GPT2: variants seen among roughly 807,000 people sequenced by gnomAD.
GPT2 encodes glutamic--pyruvic transaminase 2.
A neutral mutation model predicts 56.9 loss-of-function variants in GPT2; 30 were observed. That is an observed-to-expected ratio of 0.53 (90% CI 0.39 to 0.72). The LOEUF is 0.72. GPT2 is among the 30% of genes least tolerant of loss of function. The probability of loss-of-function intolerance (pLI) is 0.00; values close to 1 mark genes in which losing one functional copy is unlikely to be tolerated. For missense variants in GPT2, 542 were observed against 703.4 expected, an observed-to-expected ratio of 0.77 and a Z score of 2.60; for synonymous variants, 271 against 283.1, an observed-to-expected ratio of 0.96 and a Z score of 0.43.
chr16:46,901,640 G>A (rs554557718), intron 4 of GPT2, among the ~76,000 whole-genome samples: 1 of 152,218 alleles, frequency 6.6e-6, no homozygotes, highest in East Asian at 1.9e-4. Flanking sequence ...GGAGCTGAGG[G>A]TGGGGACAGA....
intron 9 of GPT2, 72 bp downstream of exon 9, chr16:46,922,488 C>T: frequency 6.9e-7 from 1 of 1,452,784 alleles, no homozygotes; most frequent in Non-Finnish European, 9.2e-7. Flanking sequence ...CAGTGGCCAG[C>T]CTGTCTCCAG....
chr16:46,884,671 T>G (rs751609741), intron 1 of GPT2, 23 bp from the exon 2 acceptor site: 19 of 1,363,568 alleles, frequency 1.4e-5, no homozygotes, highest in Non-Finnish European at 1.7e-5. Context: ...GACGTGTTTG[T>G]TCTTTTTCTC....
rs146085244 is a variant in GPT2 at position 46,904,288 on chromosome 16, G to A, written c.443-2554G>A. On this transcript the variant is annotated intron_variant, in intron 4 of 11. Transcript: ENST00000340124. ...GGGGCCAGCACAGTGGCTTACACCT[G>A]TAATCCTAGCACTTTGGGAGGCTGA... Among the ~76,000 whole-genome samples, 6 of 152,242 alleles carry A rather than the reference G, an allele frequency of 3.9e-5. No homozygotes were observed. The South Asian group carries it at 6.2e-4, about 16-fold the overall frequency.
chr16:46,914,949 G>A (rs534133820), intron 6 of GPT2, among the ~76,000 whole-genome samples: 1 of 152,184 alleles, frequency 6.6e-6, no homozygotes, highest in South Asian at 2.1e-4. Context: ...ACAGGGTCTT[G>A]CTCTGTCACC....
At chr16:46,918,506 C>T (rs1961216224) in intron 7 of GPT2, 115 bp from the exon 8 acceptor site, 1 of 1,203,238 alleles carries the variant, frequency 8.3e-7, no homozygotes, top group Non-Finnish European at 1.2e-6. Context: ...GCACAGGAGG[C>T]TGGGCCGGCT....
intron 2 of GPT2, among the ~76,000 whole-genome samples, chr16:46,889,276 GAGAC>G (rs1189146115): frequency 3.4e-5 from 2 of 59,088 alleles, no homozygotes; most frequent in East Asian, 7.5e-4. Context: ...TTTTTTTAAA[GAGAC>G]AGAGCCTTGT....
In GPT2 at chr16:46,927,047, C is replaced by T. The variant is rs773466454; in HGVS notation, c.1481+10C>T. 3.3e-6 allele frequency: 5 copies of T among 1,532,428 alleles called. No homozygotes were observed. The East Asian group carries it at 9.1e-5, about 28-fold the overall frequency. 94.9% of individuals were successfully genotyped at this position (1,532,428 alleles called of 1,614,324 possible). ...GCACTTACCACTTCAGGTATGACTT[C>T]CTCTCCGCACTAGGGGCTGGTCCGG... is the stretch of plus-strand genomic sequence containing the variant. On this transcript the variant is annotated intron_variant, in intron 11 of 11. Transcript: ENST00000340124.
At chr16:46,884,579 C>G in intron 1 of GPT2, 112 bp downstream of exon 1, 1 of 1,137,586 alleles carries the variant, frequency 8.8e-7, no homozygotes, top group Non-Finnish European at 1.1e-6. Context: ...GGCACCAGCG[C>G]CGAAGCCAGG....
intron 5 of GPT2, among the ~76,000 whole-genome samples, chr16:46,909,076 T>C (rs1960992127): frequency 6.6e-6 from 1 of 152,046 alleles, no homozygotes; most frequent in South Asian, 2.1e-4. Context: ...GATGGGTATT[T>C]TATCCCATTT....
At chr16:46,916,502 C>T (rs1026202390) in intron 6 of GPT2, 126 bp from the exon 7 acceptor site, 58 of 744,712 alleles carry the variant, frequency 7.8e-5, no homozygotes, top group Admixed American at 3.5e-4. Context: ...GGGGCCTCTG[C>T]GGGGAGGGTG....
At chr16:46,900,183 C>T (rs544911938) in intron 3 of GPT2, among the ~76,000 whole-genome samples, 1 of 151,714 alleles carries the variant, frequency 6.6e-6, no homozygotes, top group Admixed American at 6.6e-5. Flanking sequence ...GGGTGATGTT[C>T]TCTGTTACAG....
intron 2 of GPT2, among the ~76,000 whole-genome samples, chr16:46,886,763 C>T (rs1960492139): frequency 6.6e-6 from 1 of 152,112 alleles, no homozygotes; most frequent in South Asian, 2.1e-4. Context: ...GAAGGGTTTC[C>T]AGCAGGGGTG....
At chr16:46,902,205 GT>G (rs1960833153) in intron 4 of GPT2, among the ~76,000 whole-genome samples, 1 of 152,224 alleles carries the variant, frequency 6.6e-6, no homozygotes, top group Non-Finnish European at 1.5e-5. Context: ...GTCCCTGTGA[GT>G]TCCCTCGTGG....
At chr16:46,918,998 A>G (rs1263960484) in intron 8 of GPT2, among the ~76,000 whole-genome samples, 1 of 152,256 alleles carries the variant, frequency 6.6e-6, no homozygotes, top group Non-Finnish European at 1.5e-5. Context: ...AAACAGGACT[A>G]CATGGCAGCT....
intron 6 of GPT2, among the ~76,000 whole-genome samples, chr16:46,912,445 A>G (rs1961064463): frequency 6.6e-6 from 1 of 152,168 alleles, no homozygotes. Context: ...AAGTTGGGTC[A>G]CCTGCCCATT....
chr16:46,905,529 C>A lies in GPT2; in HGVS notation c.443-1313C>A, dbSNP rs777481924. ...AAATGCAGTGTAAAATTCAAAAGATCTAAAAGAATATACAATGAAACATCT... is the reference window on the plus strand; with the variant it reads ...AAATGCAGTGTAAAATTCAAAAGATATAAAAGAATATACAATGAAACATCT... On this transcript the variant is annotated intron_variant, in intron 4 of 11. Coordinates refer to ENST00000340124, the MANE Select transcript of GPT2 (RefSeq NM_133443.4). 2.6e-5 allele frequency among the ~76,000 whole-genome samples: 4 copies of A among 152,124 alleles called. No individual in the cohort carries two copies. In the South Asian group the frequency reaches 8.3e-4, roughly 32 times the overall value.
intron 4 of GPT2, among the ~76,000 whole-genome samples, chr16:46,902,651 G>A (rs1252265908): frequency 1.3e-5 from 2 of 152,078 alleles, no homozygotes; most frequent in African/African-American, 2.4e-5. Context: ...TTGAAACAGA[G>A]TGTCACTCTG....
At chr16:46,887,943 T>A (rs2143325688) in intron 2 of GPT2, among the ~76,000 whole-genome samples, 1 of 152,324 alleles carries the variant, frequency 6.6e-6, no homozygotes, top group Admixed American at 6.5e-5. Flanking sequence ...TGACAGCAGC[T>A]CCAAAGGGGA....
intron 4 of GPT2, among the ~76,000 whole-genome samples, chr16:46,904,224 G>A (rs79977964): frequency 0.018 from 2,779 of 152,292 alleles, 39 homozygotes; most frequent in South Asian, 0.059. Context: ...AAGAGTCAGC[G>A]TGGGGAGGGC....
Sources: gnomAD v4.1 joint callset for allele counts (sites outside exome capture counted in the v4.1 genomes callset) on GRCh38, gnomAD v4.1.1 for gene constraint, MANE v1.5 for transcripts, NCBI Gene and HGNC (gene_info 2026-07-23, HGNC 2026-07-21) for gene names.